ZFR: variants seen among roughly 807,000 people sequenced by gnomAD.
The protein encoded by ZFR is zinc finger RNA-binding protein.
In ZFR, 19 loss-of-function variants were observed where a neutral mutation model predicts 130.7. The ratio of observed to expected loss-of-function variants is 0.15; its 90% confidence interval spans 0.10 to 0.21. The LOEUF is 0.21. Among genes scored for constraint, ZFR ranks in the 10% least tolerant of loss-of-function variants. ZFR has a pLI of 1.00. For synonymous variants in ZFR, 466 were observed against 456.9 expected, an observed-to-expected ratio of 1.02 and a Z score of -0.25; for missense variants, 872 against 1,321.5, an observed-to-expected ratio of 0.66 and a Z score of 5.27.
chr5:32,377,196 CTCTT>C (rs1466508972), intron 17 of ZFR, among the ~76,000 whole-genome samples: 31 of 146,830 alleles, frequency 2.1e-4, no homozygotes, highest in Admixed American at 4.2e-4. Flanking sequence ...AACTTTCCTT[CTCTT>C]TCTTTATTTC....
chr5:32,403,027 G>A, intron 8 of ZFR, 79 bp downstream of exon 8: 1 of 1,436,086 alleles, frequency 7.0e-7, no homozygotes, highest in South Asian at 1.3e-5. Context: ...CAAGAACACA[G>A]GGAGAAGGGT....
intron 2 of ZFR, among the ~76,000 whole-genome samples, chr5:32,438,253 ATTTTTTTTTT>A (rs869249272): frequency 1.6e-5 from 1 of 61,046 alleles, no homozygotes; most frequent in Non-Finnish European, 3.0e-5. Context: ...TTATCTGAAA[ATTTTTTTTTT>A]TTTTTTTTTT....
At chr5:32,394,025 T>C (rs1158901936) in intron 11 of ZFR, among the ~76,000 whole-genome samples, 5 of 152,208 alleles carry the variant, frequency 3.3e-5, no homozygotes, top group East Asian at 1.9e-4. Flanking sequence ...AAAATTACTA[T>C]GTCCTCATGA....
At chr5:32,442,534 C>T (rs1430258278) in intron 2 of ZFR, among the ~76,000 whole-genome samples, 1 of 152,156 alleles carries the variant, frequency 6.6e-6, no homozygotes, top group East Asian at 1.9e-4. Flanking sequence ...TGAAATGCCC[C>T]CAAGATTTTG....
chr5:32,441,462 C>T (rs1263519565), intron 2 of ZFR, among the ~76,000 whole-genome samples: 3 of 151,130 alleles, frequency 2.0e-5, no homozygotes, highest in African/African-American at 7.3e-5. Context: ...GTGGAACCTG[C>T]GAATACAAAA....
chr5:32,423,028 C>T (rs1459980441), intron 2 of ZFR, among the ~76,000 whole-genome samples: 1 of 151,840 alleles, frequency 6.6e-6, no homozygotes, highest in African/African-American at 2.4e-5. Context: ...ACTTTCAAGA[C>T]TTCCAGGCAA....
At chr5:32,387,510 C>A in intron 14 of ZFR, 39 bp downstream of exon 14, 1 of 1,598,222 alleles carries the variant, frequency 6.3e-7, no homozygotes, top group South Asian at 1.1e-5. Flanking sequence ...ACTTCTGAAC[C>A]AGACAAGGGG....
intron 3 of ZFR, among the ~76,000 whole-genome samples, chr5:32,418,167 GGAGAAT>G (rs1257781391): frequency 2.6e-5 from 4 of 151,968 alleles, no homozygotes; most frequent in African/African-American, 4.8e-5. Context: ...GGCTGAGGCA[GGAGAAT>G]GGCATGAACC....
At chr5:32,372,695 T>C (rs1215081968) in intron 17 of ZFR, among the ~76,000 whole-genome samples, 2 of 151,662 alleles carry the variant, frequency 1.3e-5, no homozygotes, top group African/African-American at 4.8e-5. Flanking sequence ...TATCCAGACA[T>C]GGTGGCGCGC....
intron 2 of ZFR, among the ~76,000 whole-genome samples, chr5:32,439,255 G>C (rs912442299): frequency 5.3e-5 from 8 of 152,170 alleles, no homozygotes; most frequent in African/African-American, 1.9e-4. Context: ...TGTAAAGCCA[G>C]TAAATTTCCA....
chr5:32,413,195 AAAAAACAAAACAAAACAAAAC>A (rs1181296649), intron 5 of ZFR, among the ~76,000 whole-genome samples: 4 of 151,642 alleles, frequency 2.6e-5, no homozygotes, highest in African/African-American at 7.3e-5. Flanking sequence ...TTAATCTCAA[AAAAAACAAAACAAAACAAAAC>A]AAAAAACAAA....
At chr5:32,424,380 CA>C (rs141418521) in intron 2 of ZFR, among the ~76,000 whole-genome samples, 2,582 of 152,016 alleles carry the variant, frequency 0.017, 38 homozygotes, top group Non-Finnish European at 0.026. Context: ...AAATACAAAA[CA>C]TTAGCTGGGC....
intron 2 of ZFR, among the ~76,000 whole-genome samples, chr5:32,422,996 G>A (rs1313661006): frequency 1.3e-5 from 2 of 151,788 alleles, no homozygotes; most frequent in African/African-American, 4.8e-5. Context: ...AAGTGAGCCA[G>A]GGACTCACTA....
chr5:32,444,474 C>G, intron 1 of ZFR, 146 bp from the exon 2 acceptor site: 2 of 1,291,292 alleles, frequency 1.5e-6, no homozygotes, highest in Non-Finnish European at 2.0e-6. Flanking sequence ...CCGCCTCCCC[C>G]TCCCGCCTCG....
chr5:32,379,823 C>A (rs189643903), intron 16 of ZFR: 3 of 327,612 alleles, frequency 9.2e-6, no homozygotes, highest in East Asian at 9.6e-5. Flanking sequence ...TTAAATATAG[C>A]CACTAAAAAT....
In ZFR at chr5:32,414,993, T is replaced by G. The variant is rs760350335; in HGVS notation, c.760A>C (p.Ser254Arg). 1 of 1,613,868 alleles carries G rather than the reference T, an allele frequency of 6.2e-7. No individual in the cohort carries two copies. Among genetic ancestry groups the G allele is most frequent in the South Asian group, 1.1e-5 (1 of 90,968 alleles). ...VPSYTQSATY[S>R]TTAVTYSGTS... ...CCAGAATATGTAACTGCTGTGGTACTGTAAGTAGCACTCTGAGTATAGGAT... is the reference window on the plus strand; with the variant it reads ...CCAGAATATGTAACTGCTGTGGTACGGTAAGTAGCACTCTGAGTATAGGAT... Residue 254 changes from serine to arginine, a missense_variant, in exon 5 of 20, where the codon AGT (serine) becomes CGT (arginine). By Grantham distance (110) the Ser-to-Arg change is moderately radical. Around this residue, in one of 7 missense-constraint regions of ZFR, gnomAD observed 240 missense variants for 441.2 expected, o/e 0.54. Coordinates refer to ENST00000265069, the MANE Select transcript of ZFR (RefSeq NM_016107.5).
intron 6 of ZFR, among the ~76,000 whole-genome samples, chr5:32,406,238 T>C (rs1753577830): frequency 6.6e-6 from 1 of 152,188 alleles, no homozygotes; most frequent in Admixed American, 6.5e-5. Context: ...ATTGGTATTT[T>C]TGAAAAAGAC....
Position 32,354,621 on chromosome 5 carries a change from GT to G in ZFR, c.*1138del, listed in dbSNP as rs1296434088. On this transcript the variant is annotated 3_prime_UTR_variant, in exon 20 of 20. Transcript: ENST00000265069. ...AGATGGCCACACCAAATAATTTTCT[GT>G]TTTTTTCCTTAGATAATTTTTTATC... 6.6e-6 allele frequency: 1 copy of G among 152,434 alleles called. No individual in the cohort carries two copies. Among genetic ancestry groups the G allele is most frequent in the Admixed American group, 6.6e-5 (1 of 15,240 alleles). The allele number at this position is 152,434 out of a possible 1,614,324, so 9.4% of individuals were successfully genotyped here.
At chr5:32,423,651 A>T (rs1002720527) in intron 2 of ZFR, among the ~76,000 whole-genome samples, 36 of 152,284 alleles carry the variant, frequency 2.4e-4, no homozygotes, top group African/African-American at 8.4e-4. Flanking sequence ...AAGATCAAAA[A>T]AATTAAGAAA....
Sources: allele counts gnomAD v4.1 joint callset (sites outside exome capture counted in the v4.1 genomes callset), GRCh38; gene constraint gnomAD v4.1.1; regional missense constraint gnomAD v4.1.1; transcripts MANE v1.5; gene names NCBI Gene and HGNC (gene_info 2026-07-23, HGNC 2026-07-21).